Variants in GPC6 observed in about 807,000 individuals in gnomAD.
GPC6 encodes glypican 6.
GPC6 carries 14 observed loss-of-function variants against 55.2 expected under a neutral mutation model. That is an observed-to-expected ratio of 0.25 (90% CI 0.17 to 0.40). The LOEUF is 0.40. Among genes scored for constraint, GPC6 ranks in the 10% least tolerant of loss-of-function variants. The probability of loss-of-function intolerance (pLI) is 1.00; values close to 1 mark genes in which losing one functional copy is unlikely to be tolerated. For synonymous variants in GPC6, 278 were observed against 259.6 expected, an observed-to-expected ratio of 1.07 and a Z score of -0.68; for missense variants, 641 against 708.5, an observed-to-expected ratio of 0.90 and a Z score of 1.08.
intron 2 of GPC6, among the ~76,000 whole-genome samples, chr13:93,789,610 T>TATATATATAATACTAC (rs1555331687): frequency 2.5e-4 from 7 of 27,694 alleles, no homozygotes; most frequent in Admixed American, 1.8e-3. Flanking sequence ...TATATATATA[T>TATATATATAATACTAC]ATATATATAT....
intron 1 of GPC6, among the ~76,000 whole-genome samples, chr13:93,462,363 CA>C (rs1252547137): frequency 6.6e-6 from 1 of 152,102 alleles, no homozygotes; most frequent in Non-Finnish European, 1.5e-5. Context: ...GTAAAAAATG[CA>C]AATTTTCTAC....
At chr13:93,991,665 A>G (rs1185181822) in intron 3 of GPC6, among the ~76,000 whole-genome samples, 1 of 152,168 alleles carries the variant, frequency 6.6e-6, no homozygotes, top group Non-Finnish European at 1.5e-5. Flanking sequence ...TTGTCAAGGT[A>G]CACAACTGTA....
intron 1 of GPC6, among the ~76,000 whole-genome samples, chr13:93,443,623 A>G (rs1008981576): frequency 2.0e-5 from 3 of 152,194 alleles, no homozygotes; most frequent in African/African-American, 7.2e-5. Flanking sequence ...GTTTAAAATG[A>G]GAGTGAAATT....
rs556869229 is a variant in GPC6 at position 93,255,858 on chromosome 13, G to A, written c.160+28242G>A. Among the ~76,000 whole-genome samples, 9 of 152,084 alleles carry A rather than the reference G, an allele frequency of 5.9e-5. 1 individual carries two copies. In the South Asian group the frequency reaches 1.9e-3, roughly 32 times the overall value. ...TCTTGTGATCTAGTACATAAGCTGG[G>A]CCCTGTGGCTCATGCCTGTAATCTC... On this transcript the variant is annotated intron_variant, in intron 1 of 8. Coordinates refer to ENST00000377047, the MANE Select transcript of GPC6 (RefSeq NM_005708.5).
chr13:93,636,508 T>C (rs139545913), intron 2 of GPC6, among the ~76,000 whole-genome samples: 712 of 152,304 alleles, frequency 4.7e-3, no homozygotes, highest in Non-Finnish European at 8.0e-3. Context: ...GGGAGCAATG[T>C]ATTTCTACAC....
intron 3 of GPC6, among the ~76,000 whole-genome samples, chr13:93,901,882 C>G (rs1298161330): frequency 7.5e-6 from 1 of 134,026 alleles, no homozygotes; most frequent in Non-Finnish European, 1.5e-5. Context: ...TCCTGGGCCA[C>G]AGAGTGAGAT....
intron 4 of GPC6, among the ~76,000 whole-genome samples, chr13:94,130,733 C>A (rs1447783742): frequency 6.6e-6 from 1 of 152,076 alleles, no homozygotes; most frequent in Non-Finnish European, 1.5e-5. Context: ...ACCATGAAGT[C>A]ATTCTGCTTT....
intron 4 of GPC6, among the ~76,000 whole-genome samples, chr13:94,275,114 A>G (rs184326921): frequency 1.1e-3 from 175 of 152,330 alleles, no homozygotes; most frequent in African/African-American, 4.1e-3. Flanking sequence ...TCTTTTAACG[A>G]ATGTTTAATA....
Position 93,830,612 on chromosome 13 carries a change from TAAAAAAAAAAAAAA to T in GPC6, c.711+80_711+93del, listed in dbSNP as rs369020255. On this transcript the variant is annotated intron_variant, in intron 3 of 8. Coordinates refer to ENST00000377047, the MANE Select transcript of GPC6 (RefSeq NM_005708.5). ...TTATTCTGTTTTTAAAACCAATGTT[TAAAAAAAAAAAAAA>T]AAAAAAAAAAAACCAAGGTAAAAAT... The T allele has an allele frequency of 8.0e-5, 26 of 326,450 alleles. 1 individual carries two copies. The highest frequency in any genetic ancestry group is 5.3e-4 in the Admixed American group (8 of 15,032). The allele number at this position is 326,450 out of a possible 1,614,324, so 20.2% of individuals were successfully genotyped here.
intron 4 of GPC6, among the ~76,000 whole-genome samples, chr13:94,080,142 T>A (rs182202798): frequency 6.6e-6 from 1 of 152,310 alleles, no homozygotes; most frequent in East Asian, 1.9e-4. Flanking sequence ...AGATTCATCA[T>A]CCCAGGATTC....
At chr13:93,402,214 T>C (rs1342296538) in intron 1 of GPC6, among the ~76,000 whole-genome samples, 1 of 152,186 alleles carries the variant, frequency 6.6e-6, no homozygotes, top group African/African-American at 2.4e-5. Flanking sequence ...CTGGGTCTTC[T>C]GACTCCTGAA....
chr13:94,126,756 G>A (rs1226278698), intron 4 of GPC6, among the ~76,000 whole-genome samples: 2 of 152,080 alleles, frequency 1.3e-5, no homozygotes, highest in African/African-American at 4.8e-5. Context: ...CACTTTTTCT[G>A]TGTATATTGA....
Position 94,045,188 on chromosome 13 carries a change from T to A in GPC6, c.877+17294T>A, listed in dbSNP as rs75404897. Among the ~76,000 whole-genome samples the A allele has an allele frequency of 5.2e-3, 797 of 151,944 alleles. 11 individuals are homozygous for A. Among genetic ancestry groups the A allele is most frequent in the African/African-American group, 0.018 (765 of 41,492 alleles). ...AAATAAGTAGGAGCATATGAAGAGG[T>A]CTGTAATAACAGCAATTATGGAAAA... On this transcript the variant is annotated intron_variant, in intron 4 of 8. Transcript: ENST00000377047.
At chr13:94,252,480 C>G (rs80012070) in intron 4 of GPC6, among the ~76,000 whole-genome samples, 1,599 of 152,048 alleles carry the variant, frequency 0.011, 30 homozygotes, top group African/African-American at 0.037. Context: ...CTGGTTAAGC[C>G]TTCACTAAAG....
intron 2 of GPC6, among the ~76,000 whole-genome samples, chr13:93,685,511 G>A (rs1404872246): frequency 6.6e-6 from 1 of 152,178 alleles, no homozygotes; most frequent in Admixed American, 6.6e-5. Context: ...GCCAGAGAAT[G>A]TATAAGCTTA....
At chr13:93,619,872 A>G (rs1232295677) in intron 2 of GPC6, among the ~76,000 whole-genome samples, 1 of 152,086 alleles carries the variant, frequency 6.6e-6, no homozygotes, top group Non-Finnish European at 1.5e-5. Context: ...ATAGTATAGC[A>G]GAGTACTGGT....
intron 2 of GPC6, among the ~76,000 whole-genome samples, chr13:93,563,228 G>T (rs1466146894): frequency 6.6e-6 from 1 of 152,088 alleles, no homozygotes; most frequent in Non-Finnish European, 1.5e-5. Flanking sequence ...AAAATCTTAA[G>T]CTTGACCTGT....
chr13:93,624,196 TA>T (rs1879095062), intron 2 of GPC6, among the ~76,000 whole-genome samples: 1 of 151,034 alleles, frequency 6.6e-6, no homozygotes, highest in South Asian at 2.1e-4. Context: ...ATGGCCAATA[TA>T]GTGAATTTTC....
intron 1 of GPC6, among the ~76,000 whole-genome samples, chr13:93,246,611 C>T (rs1876609527): frequency 6.6e-6 from 1 of 151,810 alleles, no homozygotes; most frequent in Admixed American, 6.6e-5. Flanking sequence ...TCCTGGCTTA[C>T]ACGGTGAAAC....
Sources: allele counts gnomAD v4.1 joint callset (sites outside exome capture counted in the v4.1 genomes callset), GRCh38; gene constraint gnomAD v4.1.1; transcripts MANE v1.5; gene names NCBI Gene and HGNC (gene_info 2026-07-23, HGNC 2026-07-21).